Variants in IGSF21 observed in about 807,000 individuals in gnomAD.
IGSF21 encodes the protein immunoglobin superfamily member 21.
Under a neutral mutation model 46.8 loss-of-function variants are expected in IGSF21, and 28 were observed. The ratio of observed to expected loss-of-function variants is 0.60; its 90% CI spans 0.44 to 0.82. The LOEUF (loss-of-function observed/expected upper bound fraction) is 0.82, where lower values mean the gene tolerates loss of function less well. Ranked by LOEUF, IGSF21 falls within the 40% of genes least tolerant of loss-of-function variation. The probability of loss-of-function intolerance (pLI) is 0.00; values close to 1 mark genes in which losing one functional copy is unlikely to be tolerated. For synonymous variants in IGSF21, 284 were observed against 273.6 expected, an observed-to-expected ratio of 1.04 and a Z score of -0.38; for missense variants, 624 against 665.5, an observed-to-expected ratio of 0.94 and a Z score of 0.69.
chr1:18,273,039 C>T (rs912723275), intron 2 of IGSF21, among the ~76,000 whole-genome samples: 64 of 80,664 alleles, frequency 7.9e-4, no homozygotes, highest in Middle Eastern at 8.3e-3. Flanking sequence ...CCAGACGGAT[C>T]TTTTTTTTTT....
In IGSF21 at chr1:18,123,355, A is replaced by AG. The variant is rs1480686135; in HGVS notation, c.70+15159dup. 3.3e-5 allele frequency among the ~76,000 whole-genome samples: 5 copies of AG among 152,234 alleles called. No homozygotes were observed. In the East Asian group the frequency reaches 9.6e-4, roughly 29 times the overall value. On this transcript the variant is annotated intron_variant, in intron 1 of 9. Transcript: ENST00000251296. Reference sequence around the variant, plus strand: ...GGGATGCTCCATTTCCTGGGAGCATAGGACAGAGCCTTATTCCAGCTCCAG... The same window carrying AG: ...GGGATGCTCCATTTCCTGGGAGCATAGGGACAGAGCCTTATTCCAGCTCCAG...
intron 3 of IGSF21, among the ~76,000 whole-genome samples, chr1:18,332,361 TC>T (rs930580113): frequency 6.6e-6 from 1 of 152,218 alleles, no homozygotes; most frequent in Non-Finnish European, 1.5e-5. Context: ...CCACCTGAAC[TC>T]CTTTCACCTA....
At chr1:18,129,987 G>A (rs1277670498) in intron 1 of IGSF21, among the ~76,000 whole-genome samples, 2 of 152,130 alleles carry the variant, frequency 1.3e-5, no homozygotes, top group African/African-American at 4.8e-5. Flanking sequence ...ATACCTTTCT[G>A]TTCATTATAA....
chr1:18,245,000 A>G (rs1388190595), intron 2 of IGSF21, among the ~76,000 whole-genome samples: 4 of 152,148 alleles, frequency 2.6e-5, no homozygotes, highest in African/African-American at 9.7e-5. Flanking sequence ...TGAACTTAGG[A>G]CAGTGCCTGA....
rs953100397 is a variant in IGSF21 at position 18,322,354 on chromosome 1, C to T, written c.306-12538C>T. Among the ~76,000 whole-genome samples, 3 of 152,122 alleles carry T rather than the reference C, an allele frequency of 2.0e-5. No homozygotes were observed. The highest frequency in any genetic ancestry group is 4.8e-5 in the African/African-American group (2 of 41,406). On this transcript the variant is annotated intron_variant, in intron 3 of 9. Transcript: ENST00000251296. This position sits in a 1 kb window ranked among gnomAD's most constrained non-coding sequence, Gnocchi z 4.3. The stretch of plus-strand genomic sequence containing the variant: ...GAAACCCAGAGGCAGCCACCTTCCA[C>T]GCCCGTCTTCCCTCTTCTGGTGGAG...
At chr1:18,248,649 G>A (rs568646711) in intron 2 of IGSF21, among the ~76,000 whole-genome samples, 2 of 152,192 alleles carry the variant, frequency 1.3e-5, no homozygotes, top group African/African-American at 2.4e-5. Flanking sequence ...TCCACATGGC[G>A]AGTTCTCCGG....
chr1:18,368,113 C>G (rs1557664237), intron 6 of IGSF21, among the ~76,000 whole-genome samples: 1 of 151,920 alleles, frequency 6.6e-6, no homozygotes, highest in Non-Finnish European at 1.5e-5. Context: ...TTCAAAGGCT[C>G]CAGAGTCTGC....
intron 1 of IGSF21, among the ~76,000 whole-genome samples, chr1:18,209,928 G>T (rs927465735): frequency 2.0e-5 from 3 of 152,020 alleles, no homozygotes; most frequent in Non-Finnish European, 4.4e-5. Context: ...GCAGCCTGCA[G>T]ATTGGGAATA....
intron 2 of IGSF21, among the ~76,000 whole-genome samples, chr1:18,289,428 G>A (rs1233823635): frequency 2.6e-5 from 4 of 152,232 alleles, no homozygotes; most frequent in Non-Finnish European, 4.4e-5. Context: ...CCAGCCTGAT[G>A]GGATGGGATG....
At chr1:18,178,288 A>G (rs1034287654) in intron 1 of IGSF21, among the ~76,000 whole-genome samples, 1 of 152,152 alleles carries the variant, frequency 6.6e-6, no homozygotes, top group African/African-American at 2.4e-5. Flanking sequence ...ATTAAGCTGT[A>G]TGTTCTCCAT....
At chr1:18,281,336 A>T (rs2085158310) in intron 2 of IGSF21, among the ~76,000 whole-genome samples, 1 of 152,030 alleles carries the variant, frequency 6.6e-6, no homozygotes, top group Non-Finnish European at 1.5e-5. Flanking sequence ...AGGTGGGTGC[A>T]TCACCCTGAG....
At chr1:18,190,015 C>T (rs1240384450) in intron 1 of IGSF21, among the ~76,000 whole-genome samples, 3 of 152,190 alleles carry the variant, frequency 2.0e-5, no homozygotes, top group Admixed American at 1.3e-4. Context: ...GGGATGGGGA[C>T]TCCTCCCTTG....
intron 1 of IGSF21, among the ~76,000 whole-genome samples, chr1:18,157,905 T>C (rs1006577341): frequency 1.3e-5 from 2 of 152,168 alleles, no homozygotes; most frequent in African/African-American, 4.8e-5. Context: ...GAGCAGGAAC[T>C]CTGTCTCTCC....
chr1:18,193,162 A>G (rs1420055437), intron 1 of IGSF21, among the ~76,000 whole-genome samples: 1 of 152,130 alleles, frequency 6.6e-6, no homozygotes, highest in East Asian at 1.9e-4. Flanking sequence ...GAGTGAAGAA[A>G]GAACAAGCCC....
At chr1:18,250,463 C>A (rs2084830583) in intron 2 of IGSF21, among the ~76,000 whole-genome samples, 1 of 152,234 alleles carries the variant, frequency 6.6e-6, no homozygotes. Context: ...CGTGTGTTCA[C>A]TGTGCAGTGT....
chr1:18,302,933 A>C (rs2085375952), intron 3 of IGSF21, among the ~76,000 whole-genome samples: 1 of 152,152 alleles, frequency 6.6e-6, no homozygotes, highest in South Asian at 2.1e-4. Context: ...AGGCCACTGG[A>C]ACTCCCAGAA....
At chr1:18,151,307 T>C (rs1365697826) in intron 1 of IGSF21, among the ~76,000 whole-genome samples, 1 of 152,230 alleles carries the variant, frequency 6.6e-6, no homozygotes, top group Admixed American at 6.5e-5. Flanking sequence ...CAAATGCATT[T>C]ATTCCTGGTC....
rs1353092095 is a variant in IGSF21, at chr1:18,108,211, G to A, written c.70+13G>A. Reference sequence around the variant, plus strand: ...GACCTGGCGCGCGGTGAGTGCGCGGGCGCCTGGCGGGAGCCGAGCGGTGAA... The same window carrying A: ...GACCTGGCGCGCGGTGAGTGCGCGGACGCCTGGCGGGAGCCGAGCGGTGAA... On this transcript the variant is annotated intron_variant, in intron 1 of 9. Coordinates refer to ENST00000251296, the MANE Select transcript of IGSF21 (RefSeq NM_032880.5). 49 of 1,378,914 alleles carry A rather than the reference G, an allele frequency of 3.6e-5. No individual in the cohort carries two copies. Among genetic ancestry groups the A allele is most frequent in the Non-Finnish European group, 4.6e-5 (49 of 1,068,524 alleles). 85.4% of individuals were successfully genotyped at this position (1,378,914 alleles called of 1,614,324 possible). A position where few individuals can be genotyped will look rare whatever the true frequency, so the allele number is the denominator to read the frequency against.
At chr1:18,316,402 T>C (rs1569795877) in intron 3 of IGSF21, among the ~76,000 whole-genome samples, 1 of 152,188 alleles carries the variant, frequency 6.6e-6, no homozygotes, top group Non-Finnish European at 1.5e-5. Context: ...TGCCCCTTCC[T>C]AACCCTTGCT....
Sources: allele counts gnomAD v4.1 joint callset (sites outside exome capture counted in the v4.1 genomes callset), GRCh38; gene constraint gnomAD v4.1.1; non-coding constraint Gnocchi (gnomAD v3.1); transcripts MANE v1.5; gene names NCBI Gene and HGNC (gene_info 2026-07-23, HGNC 2026-07-21).